ACTR3: variants seen among roughly 807,000 people sequenced by gnomAD.
ACTR3 encodes actin-related protein 3.
ACTR3 carries 12 observed loss-of-function variants against 56.8 expected under a neutral mutation model. The observed-to-expected ratio is 0.21, with a 90% CI of 0.14 to 0.34. ACTR3 has a LOEUF of 0.34. Ranked by LOEUF, ACTR3 falls within the 10% of genes least tolerant of loss-of-function variation. The pLI, the probability that ACTR3 is intolerant of heterozygous loss-of-function variation, is 1.00. For synonymous variants in ACTR3, 162 were observed against 167.4 expected (o/e 0.97, Z 0.25); for missense variants, 282 against 512.5 (o/e 0.55, Z 4.34).
chr2:113,924,887 C>CTATTTATTTATT (rs139963909), intron 3 of ACTR3, among the ~76,000 whole-genome samples: 150 of 150,042 alleles, frequency 1.0e-3, no homozygotes, highest in Non-Finnish European at 1.8e-3. Flanking sequence ...ATTCAAGGAA[C>CTATTTATTTATT]TATTTATTTA....
At chr2:113,903,501 G>A (rs1461833947) in intron 1 of ACTR3, among the ~76,000 whole-genome samples, 1 of 151,590 alleles carries the variant, frequency 6.6e-6, no homozygotes, top group Non-Finnish European at 1.5e-5. Flanking sequence ...GAGTAGCTGG[G>A]ATTACAGGCT....
chr2:113,951,266 T>C (rs1680116436), intron 8 of ACTR3: 1 of 425,332 alleles, frequency 2.4e-6, no homozygotes, highest in East Asian at 4.1e-5. Context: ...TGACTTTACA[T>C]GTTTGCTATT....
chr2:113,939,697 T>C (rs1351532920), intron 6 of ACTR3, among the ~76,000 whole-genome samples: 5 of 152,244 alleles, frequency 3.3e-5, no homozygotes, highest in Non-Finnish European at 5.9e-5. Flanking sequence ...CCATTTGATA[T>C]TTATATTTTG....
intron 4 of ACTR3, 71 bp downstream of exon 4, chr2:113,927,526 T>G: frequency 1.0e-6 from 1 of 983,030 alleles, no homozygotes. Flanking sequence ...TCATCATACT[T>G]CTTTGGTATA....
intron 8 of ACTR3, among the ~76,000 whole-genome samples, chr2:113,949,394 GAAA>G (rs562713600): frequency 1.8e-5 from 2 of 108,858 alleles, no homozygotes; most frequent in African/African-American, 3.7e-5. Flanking sequence ...AAAAAAAAAA[GAAA>G]AAAAAAAAGA....
At chr2:113,897,455 G>A (rs2104580266) in intron 1 of ACTR3, among the ~76,000 whole-genome samples, 1 of 150,366 alleles carries the variant, frequency 6.7e-6, no homozygotes, top group Non-Finnish European at 1.5e-5. Flanking sequence ...TTAAACTCAA[G>A]CCATTCTTAC....
chr2:113,915,630 A>G (rs959163261), intron 2 of ACTR3, among the ~76,000 whole-genome samples: 13 of 152,318 alleles, frequency 8.5e-5, no homozygotes, highest in Middle Eastern at 3.4e-3. Flanking sequence ...CATCTTAGCA[A>G]AATTGGTTTT....
chr2:113,909,828 A>G (rs1021954845), intron 1 of ACTR3, among the ~76,000 whole-genome samples: 11 of 152,224 alleles, frequency 7.2e-5, no homozygotes, highest in African/African-American at 2.2e-4. Flanking sequence ...AGAGAATGAT[A>G]TAATTGTTCA....
intron 1 of ACTR3, among the ~76,000 whole-genome samples, chr2:113,894,655 T>C (rs1334664658): frequency 6.6e-6 from 1 of 152,220 alleles, no homozygotes; most frequent in East Asian, 1.9e-4. Context: ...GAACGAACTT[T>C]CAGGCTTATT....
At chr2:113,927,502 T>C in intron 4 of ACTR3, 47 bp downstream of exon 4, 1 of 1,196,726 alleles carries the variant, frequency 8.4e-7, no homozygotes, top group Non-Finnish European at 1.2e-6. Context: ...TGAATACACT[T>C]AATGAGAACA....
At chr2:113,897,492 A>G (rs898288041) in intron 1 of ACTR3, among the ~76,000 whole-genome samples, 3 of 150,924 alleles carry the variant, frequency 2.0e-5, no homozygotes, top group Non-Finnish European at 4.4e-5. Flanking sequence ...GGAAAGGAAT[A>G]GCTTGAATTT....
At chr2:113,901,009 G>A in intron 1 of ACTR3, among the ~76,000 whole-genome samples, 1 of 152,192 alleles carries the variant, frequency 6.6e-6, no homozygotes, top group East Asian at 1.9e-4. Context: ...CTGTGAATCA[G>A]CCACTGCATT....
chr2:113,913,271 C>A (rs376502526), intron 2 of ACTR3, 44 bp downstream of exon 2: 10 of 1,335,140 alleles, frequency 7.5e-6, no homozygotes, highest in South Asian at 2.7e-5. Flanking sequence ...TTTAAAAGAT[C>A]CCCTTCCCTA....
At chr2:113,889,955 C>G, upstream of ACTR3, 3 of 530,356 alleles carry the variant, frequency 5.7e-6, no homozygotes, top group Non-Finnish European at 6.6e-6. Context: ...TCGGCACCGG[C>G]GGCCATCTTG....
chr2:113,936,669 GT>G (rs1679832890), intron 6 of ACTR3, among the ~76,000 whole-genome samples: 1 of 152,128 alleles, frequency 6.6e-6, no homozygotes, highest in South Asian at 2.1e-4. Context: ...TGGTGTATTA[GT>G]TTGCTAGAAC....
chr2:113,908,885 A>AT (rs892177806), intron 1 of ACTR3, among the ~76,000 whole-genome samples: 9 of 151,802 alleles, frequency 5.9e-5, no homozygotes, highest in Non-Finnish European at 2.9e-5. Flanking sequence ...CCTGTACCAC[A>AT]TTTTTTTTGA....
At chr2:113,934,096 G>A in intron 5 of ACTR3, 183 bp from the exon 6 acceptor site, 1 of 546,808 alleles carries the variant, frequency 1.8e-6, no homozygotes, top group Non-Finnish European at 3.2e-6. Context: ...TTAATAAAAT[G>A]TAGGGAGTGA....
At chr2:113,931,245 G>A in intron 4 of ACTR3, 56 bp from the exon 5 acceptor site, 1 of 1,102,550 alleles carries the variant, frequency 9.1e-7, no homozygotes, top group Non-Finnish European at 1.3e-6. Context: ...AAATTGTCAA[G>A]AAAGTTATCA....
At chr2:113,900,575 G>A (rs745589103) in intron 1 of ACTR3, among the ~76,000 whole-genome samples, 3 of 152,154 alleles carry the variant, frequency 2.0e-5, no homozygotes, top group Non-Finnish European at 4.4e-5. Context: ...GGAAGGAAAT[G>A]TTTACCAAAT....
Sources: allele counts gnomAD v4.1 joint callset (sites outside exome capture counted in the v4.1 genomes callset), GRCh38; gene constraint gnomAD v4.1.1; transcripts MANE v1.5; gene names NCBI Gene and HGNC (gene_info 2026-07-23, HGNC 2026-07-21).